Variants in MEMO1 observed in about 807,000 individuals in gnomAD.
MEMO1 encodes protein MEMO1.
MEMO1 carries 6 observed loss-of-function variants against 45.2 expected under a neutral mutation model. The ratio of observed to expected loss-of-function variants is 0.13; its 90% CI spans 0.07 to 0.26. The LOEUF (loss-of-function observed/expected upper bound fraction) is 0.26, where lower values mean the gene tolerates loss of function less well. MEMO1 is among the 10% of genes least tolerant of loss of function. The probability of loss-of-function intolerance (pLI) is 1.00; values close to 1 mark genes in which losing one functional copy is unlikely to be tolerated. For synonymous variants in MEMO1, 78 were observed against 124.3 expected, an observed-to-expected ratio of 0.63 and a Z score of 2.48; for missense variants, 184 against 370.5, an observed-to-expected ratio of 0.50 and a Z score of 4.13.
chr2:31,935,955 T>C (rs1425611017), intron 3 of MEMO1, among the ~76,000 whole-genome samples: 1 of 151,946 alleles, frequency 6.6e-6, no homozygotes, highest in African/African-American at 2.4e-5. Context: ...TATTTTATTT[T>C]TTATTTTTAT....
rs1370663937 is a variant in MEMO1 at position 31,959,927 on chromosome 2, G to C, written c.62-16544C>G. ...AAAGTGCATTTTTTGAAAGATAAAT[G>C]TTAATCATTTCTGGCCTGGTGTGGT... On this transcript the variant is annotated intron_variant, in intron 2 of 9. Coordinates refer to ENST00000404530, the MANE Select transcript of MEMO1 (RefSeq NM_001301833.4). Among the ~76,000 whole-genome samples, 3 of 152,156 alleles carry C rather than the reference G, an allele frequency of 2.0e-5. No homozygotes were observed. The East Asian group carries it at 5.8e-4, about 29-fold the overall frequency.
chr2:31,882,647 A>G (rs952628422), intron 8 of MEMO1, among the ~76,000 whole-genome samples: 15 of 152,314 alleles, frequency 9.8e-5, no homozygotes, highest in Non-Finnish European at 1.6e-4. Context: ...AATAAAGTAT[A>G]TGTATAAATC....
intron 6 of MEMO1, among the ~76,000 whole-genome samples, chr2:31,914,499 T>C (rs985533003): frequency 6.6e-6 from 1 of 152,144 alleles, no homozygotes; most frequent in Non-Finnish European, 1.5e-5. Context: ...TATAACTGGA[T>C]TGTCTGGAAC....
intron 9 of MEMO1, among the ~76,000 whole-genome samples, chr2:31,868,910 C>T (rs908017276): frequency 1.3e-5 from 2 of 152,058 alleles, no homozygotes; most frequent in Admixed American, 1.3e-4. Context: ...AAGGTATATG[C>T]TAGGATTTTT....
At chr2:31,982,384 G>GT (rs1670745773) in intron 2 of MEMO1, among the ~76,000 whole-genome samples, 1 of 151,144 alleles carries the variant, frequency 6.6e-6, no homozygotes, top group African/African-American at 2.4e-5. Context: ...GAGGTCAGAA[G>GT]TTTGAGACCA....
chr2:31,896,234 A>G (rs1411309360), intron 6 of MEMO1, among the ~76,000 whole-genome samples: 1 of 152,210 alleles, frequency 6.6e-6, no homozygotes, highest in Non-Finnish European at 1.5e-5. Flanking sequence ...GCATATCCAT[A>G]CACCAAAATA....
chr2:31,919,664 AT>A (rs983404744), intron 5 of MEMO1, among the ~76,000 whole-genome samples: 7 of 152,122 alleles, frequency 4.6e-5, no homozygotes, highest in South Asian at 2.1e-4. Context: ...ACCAAAAAAA[AT>A]ATTTTTAATT....
intron 2 of MEMO1, chr2:31,963,378 C>A: frequency 8.9e-7 from 1 of 1,129,410 alleles, no homozygotes; most frequent in African/African-American, 1.6e-5. Flanking sequence ...CTCTGAAGGA[C>A]ACTGACTAAT....
intron 2 of MEMO1, among the ~76,000 whole-genome samples, chr2:32,004,565 C>T (rs924118900): frequency 3.9e-5 from 6 of 152,188 alleles, no homozygotes; most frequent in African/African-American, 1.4e-4. Flanking sequence ...AGCTCTTACA[C>T]ACTGCTGGTG....
chr2:31,970,729 C>T (rs1669287351), intron 2 of MEMO1, among the ~76,000 whole-genome samples: 1 of 152,022 alleles, frequency 6.6e-6, no homozygotes, highest in Non-Finnish European at 1.5e-5. Context: ...ATTCAGCCGG[C>T]ACGGTGGCTC....
intron 6 of MEMO1, among the ~76,000 whole-genome samples, chr2:31,897,475 CAT>C (rs1452557192): frequency 6.6e-6 from 1 of 152,192 alleles, no homozygotes; most frequent in Non-Finnish European, 1.5e-5. Flanking sequence ...TTGAGACAAT[CAT>C]GTGGTTTTTG....
At chr2:31,920,674 A>G (rs143484955) in intron 5 of MEMO1, 124 bp downstream of exon 5, 6,407 of 487,842 alleles carry the variant, frequency 0.013, 96 homozygotes, top group South Asian at 0.063. Flanking sequence ...CAGATTAGTT[A>G]TAACAATTTT....
At chr2:31,873,070 T>G (rs1184049443) in intron 8 of MEMO1, among the ~76,000 whole-genome samples, 1 of 151,970 alleles carries the variant, frequency 6.6e-6, no homozygotes, top group Non-Finnish European at 1.5e-5. Flanking sequence ...TCCAAGAAGA[T>G]GAAAAAGAAT....
intron 2 of MEMO1, among the ~76,000 whole-genome samples, chr2:32,004,906 AAC>A (rs1673858141): frequency 6.6e-6 from 1 of 151,594 alleles, no homozygotes; most frequent in South Asian, 2.1e-4. Context: ...CAGCCTGGGC[AAC>A]ACAGTTAGAC....
At chr2:31,885,842 A>C (rs1394533698) in intron 7 of MEMO1, among the ~76,000 whole-genome samples, 2 of 152,236 alleles carry the variant, frequency 1.3e-5, no homozygotes, top group East Asian at 3.8e-4. Flanking sequence ...TTTGCTACTC[A>C]AAAGTCTTTT....
chr2:31,879,732 G>T (rs1285439580), intron 8 of MEMO1, among the ~76,000 whole-genome samples: 1 of 152,066 alleles, frequency 6.6e-6, no homozygotes, highest in African/African-American at 2.4e-5. Flanking sequence ...TCAAAATCCA[G>T]TGTATATTTT....
At chr2:31,969,251 C>T (rs1233705929) in intron 2 of MEMO1, among the ~76,000 whole-genome samples, 1 of 151,064 alleles carries the variant, frequency 6.6e-6, no homozygotes, top group Non-Finnish European at 1.5e-5. Context: ...GTGATTTAAG[C>T]AGGCTACAAA....
Position 31,966,732 on chromosome 2 carries a change from C to CAAAAAAAAAA in MEMO1, c.62-23359_62-23350dup, listed in dbSNP as rs758359349. Among the ~76,000 whole-genome samples, 124 of 117,848 alleles carry CAAAAAAAAAA rather than the reference C, an allele frequency of 1.1e-3. 14 individuals carry two copies. The highest frequency in any genetic ancestry group is 1.4e-3 in the Admixed American group (14 of 10,028). 77.3% of individuals were successfully genotyped at this position (117,848 alleles called of 152,430 possible). ...TGGGTAACAGAGCAAGACTCTGTCTCAAAAAAAAAAAATGAAAAAAATAAA... is the reference window on the plus strand; with the variant it reads ...TGGGTAACAGAGCAAGACTCTGTCTCAAAAAAAAAAAAAAAAAAAAAATGAAAAAAATAAA... On this transcript the variant is annotated intron_variant, in intron 2 of 9. Transcript: ENST00000404530.
At chr2:31,921,470 A>C (rs1480354801) in intron 4 of MEMO1, among the ~76,000 whole-genome samples, 2 of 152,186 alleles carry the variant, frequency 1.3e-5, no homozygotes, top group Non-Finnish European at 2.9e-5. Context: ...TGGAAATACC[A>C]GTTATCAATT....
Sources: allele counts gnomAD v4.1 joint callset (sites outside exome capture counted in the v4.1 genomes callset), GRCh38; gene constraint gnomAD v4.1.1; transcripts MANE v1.5; gene names NCBI Gene and HGNC (gene_info 2026-07-23, HGNC 2026-07-21).